Variants in HPSE2 observed in about 807,000 individuals in gnomAD.
HPSE2 encodes inactive heparanase-2.
HPSE2 carries 38 observed loss-of-function variants against 60.5 expected under a neutral mutation model. That is an observed-to-expected ratio of 0.63 (90% CI 0.48 to 0.82). The LOEUF is 0.82. Ranked by LOEUF, HPSE2 falls within the 40% of genes least tolerant of loss-of-function variation. The pLI is 0.00. For synonymous variants in HPSE2, 295 were observed against 293.2 expected (o/e 1.01, Z -0.06); for missense variants, 713 against 740.4 (o/e 0.96, Z 0.43).
intron 3 of HPSE2, among the ~76,000 whole-genome samples, chr10:98,889,096 A>ATT (rs371455877): frequency 6.6e-6 from 1 of 151,542 alleles, no homozygotes; most frequent in South Asian, 2.1e-4. Flanking sequence ...AACAACATAG[A>ATT]TTTTTTTTTC....
intron 3 of HPSE2, among the ~76,000 whole-genome samples, chr10:98,945,724 T>C (rs897772937): frequency 6.6e-6 from 1 of 152,186 alleles, no homozygotes; most frequent in African/African-American, 2.4e-5. Context: ...TACTTTCTTT[T>C]CAAAGTTTTT....
intron 3 of HPSE2, among the ~76,000 whole-genome samples, chr10:98,917,686 C>T (rs141242033): frequency 1.3e-3 from 197 of 152,208 alleles, no homozygotes; most frequent in African/African-American, 4.6e-3. Context: ...TTATTTTTCT[C>T]ATGGATTGTT....
chr10:99,245,949 A>G, the HPSE2 span, among the ~76,000 whole-genome samples: 1 of 152,252 alleles, frequency 6.6e-6, no homozygotes. Flanking sequence ...CTAAATGTAC[A>G]CACATACATA....
At chr10:98,675,579 A>C (rs573610) in intron 6 of HPSE2, among the ~76,000 whole-genome samples, 2,539 of 122,284 alleles carry the variant, frequency 0.021, 21 homozygotes, top group Middle Eastern at 0.032. Flanking sequence ...CACACACACA[A>C]TAACCAGCCA....
chr10:98,791,343 G>A (rs1950651090), intron 3 of HPSE2, among the ~76,000 whole-genome samples: 1 of 152,162 alleles, frequency 6.6e-6, no homozygotes, highest in Non-Finnish European at 1.5e-5. Context: ...GATGACTGAT[G>A]AGTTTCAAGA....
chr10:98,617,907 C>T (rs1945959860), intron 8 of HPSE2, among the ~76,000 whole-genome samples: 1 of 152,194 alleles, frequency 6.6e-6, no homozygotes. Context: ...CCAATTTATG[C>T]ATACGTGCAT....
intron 3 of HPSE2, among the ~76,000 whole-genome samples, chr10:98,946,637 TA>T (rs1458790436): frequency 6.6e-6 from 1 of 152,080 alleles, no homozygotes; most frequent in African/African-American, 2.4e-5. Flanking sequence ...AAAGTTAATT[TA>T]AAAATTGAAT....
chr10:98,608,918 G>C (rs1342152436), intron 9 of HPSE2, among the ~76,000 whole-genome samples: 1 of 152,014 alleles, frequency 6.6e-6, no homozygotes, highest in Admixed American at 6.6e-5. Context: ...CAGGTCTGTA[G>C]CTTTGAAATT....
intron 11 of HPSE2, among the ~76,000 whole-genome samples, chr10:98,477,607 GT>G (rs1379379655): frequency 1.3e-5 from 2 of 152,202 alleles, no homozygotes; most frequent in Non-Finnish European, 2.9e-5. Flanking sequence ...TCTAACACCT[GT>G]TTTTGGTTTG....
intron 9 of HPSE2, among the ~76,000 whole-genome samples, chr10:98,565,831 C>T (rs1589430061): frequency 7.0e-6 from 1 of 141,856 alleles, no homozygotes; most frequent in African/African-American, 2.6e-5. Flanking sequence ...TTTATTAAAT[C>T]TTCATAAAAA....
At chr10:98,982,930 T>C (rs889790893) in intron 3 of HPSE2, among the ~76,000 whole-genome samples, 2 of 152,210 alleles carry the variant, frequency 1.3e-5, no homozygotes, top group African/African-American at 4.8e-5. Flanking sequence ...CTGCCAAGAC[T>C]AGTTCGGGAG....
At chr10:98,664,633 C>T (rs75624551) in intron 6 of HPSE2, among the ~76,000 whole-genome samples, 2,002 of 152,282 alleles carry the variant, frequency 0.013, 41 homozygotes, top group African/African-American at 0.045. Flanking sequence ...TATCGGCCAT[C>T]GCTCTCAGGC....
At chr10:98,951,671 T>C (rs1307709332) in intron 3 of HPSE2, among the ~76,000 whole-genome samples, 1 of 152,184 alleles carries the variant, frequency 6.6e-6, no homozygotes, top group Non-Finnish European at 1.5e-5. Context: ...TTGGTGTCTA[T>C]GAGGATCTCT....
chr10:99,300,028 C>CA, the HPSE2 span, among the ~76,000 whole-genome samples: 109,124 of 131,520 alleles, frequency 0.83, 44,874 homozygotes, highest in African/African-American at 0.88. Context: ...GAGGGAGAGG[C>CA]AAAAAAAAAA....
chr10:98,942,488 G>A (rs879347294), intron 3 of HPSE2, among the ~76,000 whole-genome samples: 9 of 151,018 alleles, frequency 6.0e-5, no homozygotes, highest in East Asian at 1.9e-4. Context: ...AAATGCTCAC[G>A]ATCACTGGCC....
intron 3 of HPSE2, among the ~76,000 whole-genome samples, chr10:98,828,196 T>C (rs1322200470): frequency 1.3e-5 from 2 of 152,230 alleles, no homozygotes; most frequent in East Asian, 3.8e-4. Context: ...TGTTTCTCTG[T>C]AGAACCGTAA....
intron 3 of HPSE2, among the ~76,000 whole-genome samples, chr10:98,943,567 A>C (rs1955088389): frequency 1.3e-5 from 2 of 152,026 alleles, no homozygotes; most frequent in Non-Finnish European, 2.9e-5. Flanking sequence ...ATGGTGTGTC[A>C]CTTCCAAGAC....
intron 7 of HPSE2, among the ~76,000 whole-genome samples, chr10:98,629,214 A>G (rs150520331): frequency 2.0e-4 from 30 of 152,336 alleles, no homozygotes; most frequent in Admixed American, 3.3e-4. Context: ...CAGGAGGCCC[A>G]CCCTCCAAAT....
At chr10:98,958,042 C>T (rs933305340) in intron 3 of HPSE2, among the ~76,000 whole-genome samples, 8 of 152,090 alleles carry the variant, frequency 5.3e-5, no homozygotes, top group Admixed American at 5.2e-4. Context: ...TCTCTGTAAA[C>T]TCTGATAATC....
Sources: allele counts gnomAD v4.1 joint callset (sites outside exome capture counted in the v4.1 genomes callset), GRCh38; gene constraint gnomAD v4.1.1; transcripts MANE v1.5; gene names NCBI Gene and HGNC (gene_info 2026-07-23, HGNC 2026-07-21).